Variants in ULK4 observed in about 807,000 individuals in gnomAD.
ULK4 encodes inactive serine/threonine-protein kinase ULK4.
In ULK4, 133 loss-of-function variants were observed where a neutral mutation model predicts 160.6. The ratio of observed to expected loss-of-function variants is 0.83; its 90% confidence interval spans 0.72 to 0.96. ULK4 has a LOEUF of 0.96. ULK4 is among the 40% of genes least tolerant of loss of function. ULK4 has a pLI of 0.00. For synonymous variants in ULK4, 534 were observed against 539.8 expected (o/e 0.99, Z 0.15); for missense variants, 1,580 against 1,499.5 (o/e 1.05, Z -0.89).
intron 32 of ULK4, among the ~76,000 whole-genome samples, chr3:41,501,948 T>C (rs1409645388): frequency 6.6e-6 from 1 of 152,258 alleles, no homozygotes; most frequent in Non-Finnish European, 1.5e-5. Context: ...TCATGTGGTA[T>C]TTCTCTTTCT....
chr3:41,484,215 A>G (rs543317351), intron 32 of ULK4, among the ~76,000 whole-genome samples: 3 of 152,212 alleles, frequency 2.0e-5, no homozygotes, highest in African/African-American at 2.4e-5. Flanking sequence ...GATAATATCA[A>G]TAAATATAGG....
chr3:41,770,383 A>G (rs1227760129), intron 21 of ULK4, among the ~76,000 whole-genome samples: 4 of 152,106 alleles, frequency 2.6e-5, no homozygotes, highest in Non-Finnish European at 4.4e-5. Flanking sequence ...TTGACTGGGG[A>G]ATTTTTCTGT....
intron 35 of ULK4, among the ~76,000 whole-genome samples, chr3:41,370,653 T>C (rs1385762147): frequency 6.6e-6 from 1 of 152,142 alleles, no homozygotes; most frequent in Non-Finnish European, 1.5e-5. Context: ...CCCCATGGTC[T>C]TTGCAACTTG....
chr3:41,880,649 G>A (rs950295714), intron 17 of ULK4, among the ~76,000 whole-genome samples: 14 of 152,148 alleles, frequency 9.2e-5, no homozygotes, highest in Non-Finnish European at 1.3e-4. Context: ...GGGGCCAGGT[G>A]CAGTGTCTCA....
At chr3:41,458,232 T>C (rs1285796762) in intron 33 of ULK4, among the ~76,000 whole-genome samples, 1 of 152,182 alleles carries the variant, frequency 6.6e-6, no homozygotes, top group African/African-American at 2.4e-5. Flanking sequence ...GCCTTAAACA[T>C]ATCCAACTAA....
intron 35 of ULK4, among the ~76,000 whole-genome samples, chr3:41,333,254 C>T (rs1325456261): frequency 6.6e-6 from 1 of 152,224 alleles, no homozygotes; most frequent in African/African-American, 2.4e-5. Context: ...AATGTTATGA[C>T]AGCAAAGCCC....
intron 5 of ULK4, among the ~76,000 whole-genome samples, chr3:41,928,674 G>A (rs531678763): frequency 1.6e-4 from 25 of 151,710 alleles, no homozygotes; most frequent in African/African-American, 5.8e-4. Context: ...TGATCCCACA[G>A]AAATACAAAG....
At chr3:41,513,502 G>C (rs534906418) in intron 32 of ULK4, among the ~76,000 whole-genome samples, 4 of 152,142 alleles carry the variant, frequency 2.6e-5, no homozygotes, top group Admixed American at 6.5e-5. Flanking sequence ...GCGTGGTGGC[G>C]CATGCCTGTA....
intron 31 of ULK4, among the ~76,000 whole-genome samples, chr3:41,605,158 TA>T (rs777250739): frequency 9.3e-5 from 14 of 150,474 alleles, no homozygotes; most frequent in South Asian, 8.4e-4. Context: ...TACCAACCAT[TA>T]AAAAAAATAC....
Position 41,455,486 on chromosome 3 carries a change from T to G in ULK4, c.3492+11A>C. The G allele has an allele frequency of 6.2e-7, 1 of 1,610,882 alleles. No individual in the cohort carries two copies. Among genetic ancestry groups the G allele is most frequent in the Non-Finnish European group, 8.5e-7 (1 of 1,177,544 alleles). ...AGTAATGCCCCAAAAGACATACAGGTGAGCTCTTACCAGTGGAATGAGCAG... is the reference window on the plus strand; with the variant it reads ...AGTAATGCCCCAAAAGACATACAGGGGAGCTCTTACCAGTGGAATGAGCAG... On this transcript the variant is annotated intron_variant, in intron 34 of 36. Transcript: ENST00000301831.
intron 21 of ULK4, among the ~76,000 whole-genome samples, chr3:41,772,547 A>G (rs550361499): frequency 2.6e-5 from 4 of 152,334 alleles, no homozygotes; most frequent in Admixed American, 6.5e-5. Flanking sequence ...GAATAGACCA[A>G]TAACAGGATC....
chr3:41,600,976 A>G (rs2032022796), intron 31 of ULK4, among the ~76,000 whole-genome samples: 1 of 152,260 alleles, frequency 6.6e-6, no homozygotes, highest in Non-Finnish European at 1.5e-5. Flanking sequence ...TAAAGGGATA[A>G]GCACTTGAAT....
intron 22 of ULK4, among the ~76,000 whole-genome samples, chr3:41,721,287 G>GTTTTTTTTTTTTTTTTT (rs1559507507): frequency 1.5e-5 from 1 of 68,828 alleles, no homozygotes; most frequent in African/African-American, 6.7e-5. Context: ...TTTTTTTTGG[G>GTTTTTTTTTTTTTTTTT]TTTTGAACCA....
intron 31 of ULK4, among the ~76,000 whole-genome samples, chr3:41,587,497 T>C (rs1456970330): frequency 6.6e-6 from 1 of 152,258 alleles, no homozygotes. Flanking sequence ...TGCATTGAGG[T>C]TGAATTTGAC....
At chr3:41,801,788 T>C (rs879543895) in intron 19 of ULK4, among the ~76,000 whole-genome samples, 5 of 151,362 alleles carry the variant, frequency 3.3e-5, no homozygotes, top group Non-Finnish European at 7.4e-5. Context: ...GAGTTGGAGG[T>C]TGCAGTGAGC....
intron 35 of ULK4, among the ~76,000 whole-genome samples, chr3:41,385,352 A>T (rs1028936700): frequency 1.1e-4 from 17 of 152,272 alleles, no homozygotes; most frequent in Non-Finnish European, 1.5e-4. Context: ...CTGTAGAGAG[A>T]GTAGGGAACA....
At chr3:41,546,252 T>C (rs1300532821) in intron 32 of ULK4, among the ~76,000 whole-genome samples, 2 of 152,186 alleles carry the variant, frequency 1.3e-5, no homozygotes, top group Non-Finnish European at 2.9e-5. Flanking sequence ...GGGCGGCAGT[T>C]AAATTCTTGG....
At chr3:41,749,027 T>C (rs2038522128) in intron 22 of ULK4, among the ~76,000 whole-genome samples, 1 of 152,204 alleles carries the variant, frequency 6.6e-6, no homozygotes, top group East Asian at 1.9e-4. Flanking sequence ...GTCCCCAACT[T>C]ACAATGATTC....
At chr3:41,746,272 CAAAAAA>C (rs34582395) in intron 22 of ULK4, among the ~76,000 whole-genome samples, 4,747 of 45,902 alleles carry the variant, frequency 0.1, 179 homozygotes, top group East Asian at 0.32. Context: ...CTGGAACCCA[CAAAAAA>C]AAAAAAAAAA....
Sources: gnomAD v4.1 joint callset for allele counts (sites outside exome capture counted in the v4.1 genomes callset) on GRCh38, gnomAD v4.1.1 for gene constraint, MANE v1.5 for transcripts, NCBI Gene and HGNC (gene_info 2026-07-23, HGNC 2026-07-21) for gene names.